The following NEDD4L variants were observed in gnomAD, a reference collection of about 807,000 sequenced individuals.
The protein encoded by NEDD4L is NEDD4 like E3 ubiquitin protein ligase.
In NEDD4L, 54 loss-of-function variants were observed where a neutral mutation model predicts 148.9. That is an observed-to-expected ratio of 0.36 (90% CI 0.29 to 0.45). The LOEUF is 0.45. Among genes scored for constraint, NEDD4L ranks in the 20% least tolerant of loss-of-function variants. NEDD4L has a pLI of 1.00. For synonymous variants in NEDD4L, 433 were observed against 440.7 expected, an observed-to-expected ratio of 0.98 and a Z score of 0.22; for missense variants, 856 against 1,233.8, an observed-to-expected ratio of 0.69 and a Z score of 4.59.
At chr18:58,181,073 C>T (rs1356634985) in intron 2 of NEDD4L, among the ~76,000 whole-genome samples, 1 of 152,224 alleles carries the variant, frequency 6.6e-6, no homozygotes, top group Non-Finnish European at 1.5e-5. Context: ...GTATTTAAGC[C>T]ATTCTCGAAT....
chr18:58,191,226 T>C (rs2040079596), intron 2 of NEDD4L, among the ~76,000 whole-genome samples: 1 of 152,224 alleles, frequency 6.6e-6, no homozygotes, highest in Non-Finnish European at 1.5e-5. Context: ...AGATTTTTAA[T>C]TGCCATTTGT....
At chr18:58,261,471 T>C (rs957009741) in intron 5 of NEDD4L, among the ~76,000 whole-genome samples, 5 of 152,210 alleles carry the variant, frequency 3.3e-5, no homozygotes, top group African/African-American at 1.2e-4. Flanking sequence ...GAATATGTCT[T>C]ATTTTAAGAT....
At chr18:58,065,763 A>G (rs2082560568) in intron 1 of NEDD4L, among the ~76,000 whole-genome samples, 1 of 152,172 alleles carries the variant, frequency 6.6e-6, no homozygotes, top group Admixed American at 6.5e-5. Context: ...GAAGTTGAAC[A>G]CTTATCTTAG....
intron 1 of NEDD4L, chr18:58,091,472 G>A (rs2084067104): frequency 6.6e-6 from 1 of 152,250 alleles, no homozygotes; most frequent in South Asian, 2.1e-4. Context: ...GATGGGGGCT[G>A]GTATGTGCTG....
At chr18:58,349,687 GC>G in intron 17 of NEDD4L, 73 bp downstream of exon 17, 2 of 1,195,600 alleles carry the variant, frequency 1.7e-6, no homozygotes, top group Non-Finnish European at 2.5e-6. Context: ...TGATGGAGAG[GC>G]CCTGTGGACC....
At chr18:58,135,426 C>G (rs2440192) in intron 1 of NEDD4L, among the ~76,000 whole-genome samples, 1 of 152,058 alleles carries the variant, frequency 6.6e-6, no homozygotes, top group Non-Finnish European at 1.5e-5. Context: ...CTGAGAGTCC[C>G]GGCTGTGTTG....
At chr18:58,320,312 C>G (rs747527529) in intron 6 of NEDD4L, among the ~76,000 whole-genome samples, 20 of 152,194 alleles carry the variant, frequency 1.3e-4, no homozygotes, top group Admixed American at 3.3e-4. Flanking sequence ...AACTCCACAT[C>G]CAAAACCATT....
chr18:58,066,690 C>G (rs1373561119), intron 1 of NEDD4L, among the ~76,000 whole-genome samples: 3 of 152,092 alleles, frequency 2.0e-5, no homozygotes, highest in Admixed American at 6.6e-5. Context: ...GTTTAATTGG[C>G]TCACGATTCT....
At chr18:58,213,401 A>G (rs1268744641) in intron 2 of NEDD4L, among the ~76,000 whole-genome samples, 2 of 152,246 alleles carry the variant, frequency 1.3e-5, no homozygotes, top group Non-Finnish European at 2.9e-5. Context: ...CTAGAGCTGT[A>G]TGAGAGTTGG....
intron 2 of NEDD4L, among the ~76,000 whole-genome samples, chr18:58,204,260 G>A (rs1261764877): frequency 9.9e-5 from 15 of 152,206 alleles, no homozygotes; most frequent in East Asian, 9.6e-4. Flanking sequence ...CCTGGGAAGC[G>A]GAGGTTGCAG....
At chr18:58,378,081 A>G (rs753279921) in intron 24 of NEDD4L, among the ~76,000 whole-genome samples, 1 of 152,176 alleles carries the variant, frequency 6.6e-6, no homozygotes, top group African/African-American at 2.4e-5. Context: ...AGAAGTTTCA[A>G]GAGGCTGTGC....
Position 58,301,528 on chromosome 18 carries a change from G to A in NEDD4L, c.298-14454G>A, listed in dbSNP as rs527648636. ...ACATCTGCTGTCTTTCAGACCTTATGCTAGTTTTGTGCATATCTTCATGAT... is the reference window on the plus strand; with the variant it reads ...ACATCTGCTGTCTTTCAGACCTTATACTAGTTTTGTGCATATCTTCATGAT... On this transcript the variant is annotated intron_variant, in intron 5 of 30. Transcript: ENST00000400345. 1.2e-4 allele frequency among the ~76,000 whole-genome samples: 18 copies of A among 152,286 alleles called. No homozygotes were observed. In the South Asian group the frequency reaches 3.7e-3, roughly 32 times the overall value.
chr18:58,182,990 G>A (rs991159680), intron 2 of NEDD4L, among the ~76,000 whole-genome samples: 2 of 152,154 alleles, frequency 1.3e-5, no homozygotes, highest in South Asian at 2.1e-4. Context: ...GCTTCTTCCT[G>A]GTAACCTGGG....
chr18:58,331,061 G>A, intron 11 of NEDD4L, 147 bp downstream of exon 11: 1 of 751,396 alleles, frequency 1.3e-6, no homozygotes, highest in South Asian at 2.0e-5. Context: ...CCTTCCCTAG[G>A]AGAAGCAGGA....
rs181006233 is a variant in NEDD4L at position 58,188,369 on chromosome 18, A to C, written c.122+22508A>C. 7.9e-5 allele frequency among the ~76,000 whole-genome samples: 12 copies of C among 152,312 alleles called. No individual in the cohort carries two copies. In the East Asian group the frequency reaches 2.3e-3, roughly 29 times the overall value. On this transcript the variant is annotated intron_variant, in intron 2 of 30. Transcript: ENST00000400345. ...GCTCCAAAAACATATTGTTGCCAAG[A>C]CTCAGTCCAAAGCAAGTGACTTCCT...
chr18:58,254,446 A>G (rs2048269873), intron 5 of NEDD4L, among the ~76,000 whole-genome samples: 1 of 151,350 alleles, frequency 6.6e-6, no homozygotes, highest in Non-Finnish European at 1.5e-5. Flanking sequence ...CTTTGCAAAC[A>G]TAGTAAGATT....
At chr18:58,386,541 T>C (rs1337992654) in intron 26 of NEDD4L, among the ~76,000 whole-genome samples, 1 of 152,250 alleles carries the variant, frequency 6.6e-6, no homozygotes, top group Non-Finnish European at 1.5e-5. Context: ...GAACTTTTAA[T>C]ATCAGGGATG....
At chr18:58,132,150 A>G (rs1406779025) in intron 1 of NEDD4L, among the ~76,000 whole-genome samples, 2 of 152,118 alleles carry the variant, frequency 1.3e-5, no homozygotes, top group Non-Finnish European at 2.9e-5. Flanking sequence ...TGAGTTTTTA[A>G]TTTCCATTAT....
At chr18:58,269,352 T>A (rs2148790511) in intron 5 of NEDD4L, among the ~76,000 whole-genome samples, 1 of 152,190 alleles carries the variant, frequency 6.6e-6, no homozygotes, top group East Asian at 1.9e-4. Flanking sequence ...TGGCTCATTT[T>A]TATTTCCCAC....
Sources: gnomAD v4.1 joint callset for allele counts (sites outside exome capture counted in the v4.1 genomes callset) on GRCh38, gnomAD v4.1.1 for gene constraint, MANE v1.5 for transcripts, NCBI Gene and HGNC (gene_info 2026-07-23, HGNC 2026-07-21) for gene names.